The following MTA1 variants were observed in gnomAD, a reference collection of about 807,000 sequenced individuals.
MTA1 encodes metastasis-associated protein MTA1.
Under a neutral mutation model 97.0 loss-of-function variants are expected in MTA1, and 15 were observed. That is an observed-to-expected ratio of 0.15 (90% CI 0.10 to 0.24). MTA1 has a LOEUF of 0.24. Among genes scored for constraint, MTA1 ranks in the 10% least tolerant of loss-of-function variants. The pLI, the probability that MTA1 is intolerant of heterozygous loss-of-function variation, is 1.00. For synonymous variants in MTA1, 435 were observed against 417.5 expected (o/e 1.04, Z -0.51); for missense variants, 709 against 1,015.1 (o/e 0.70, Z 4.10).
intron 6 of MTA1, 75 bp downstream of exon 6, chr14:105,450,399 C>T: frequency 1.3e-6 from 2 of 1,502,594 alleles, no homozygotes; most frequent in Non-Finnish European, 1.8e-6. Context: ...CCTCTGCTGG[C>T]CTGGGCGGCG....
Position 105,463,400 on chromosome 14 carries a change from G to A in MTA1, c.1018-93G>A. On this transcript the variant is annotated intron_variant, in intron 11 of 20. Transcript: ENST00000331320. The surrounding 1 kb of genome is among the most constrained non-coding windows in gnomAD (Gnocchi z 5.9). ...TCCCTGGCCCGGCTGTCCTCTCCGT[G>A]GTGCTCTCCTCTCCGTAGCCTCCAG... 2 of 1,514,878 alleles carry A rather than the reference G, an allele frequency of 1.3e-6. No individual in the cohort carries two copies. Among genetic ancestry groups the A allele is most frequent in the Non-Finnish European group, 1.8e-6 (2 of 1,093,016 alleles). 93.8% of individuals were successfully genotyped at this position (1,514,878 alleles called of 1,614,324 possible). A position where few individuals can be genotyped will look rare whatever the true frequency, so the allele number is the denominator to read the frequency against.
chr14:105,470,630 C>T lies in MTA1; in HGVS notation c.*415C>T, dbSNP rs1442535657. ...AATGTTAGGATCGTGCGGCCGCGGC[C>T]GGCCGAGCTGCCTGGCGGGGTTGGC... On this transcript the variant is annotated 3_prime_UTR_variant, in exon 21 of 21. Transcript: ENST00000331320. 1.2e-5 allele frequency: 2 copies of T among 165,682 alleles called. No homozygotes were observed. Among genetic ancestry groups the T allele is most frequent in the African/African-American group, 4.8e-5 (2 of 41,976 alleles). The allele number at this position is 165,682 out of a possible 1,614,324, so 10.3% of individuals were successfully genotyped here. A position where few individuals can be genotyped will look rare whatever the true frequency, so the allele number is the denominator to read the frequency against.
intron 1 of MTA1, among the ~76,000 whole-genome samples, chr14:105,428,124 G>A (rs1238564155): frequency 1.3e-5 from 2 of 151,770 alleles, no homozygotes; most frequent in African/African-American, 2.4e-5. Flanking sequence ...CTGTGTGGTC[G>A]CTGCAGCTCT....
chr14:105,465,005 C>T (rs2083509908), intron 15 of MTA1, 89 bp from the exon 16 acceptor site: 1 of 1,424,058 alleles, frequency 7.0e-7, no homozygotes, highest in Non-Finnish European at 9.3e-7. Flanking sequence ...CATGGCCGAG[C>T]CCAGTGAGGG....
At chr14:105,442,229 G>A (rs181511123) in intron 2 of MTA1, among the ~76,000 whole-genome samples, 5 of 152,330 alleles carry the variant, frequency 3.3e-5, no homozygotes, top group African/African-American at 7.2e-5. Flanking sequence ...TTTGCCTTTC[G>A]GCAGCCGCGT....
chr14:105,427,071 C>T lies in MTA1; in HGVS notation c.28+7008C>T, dbSNP rs58931708. On this transcript the variant is annotated intron_variant, in intron 1 of 20. Coordinates refer to ENST00000331320, the MANE Select transcript of MTA1 (RefSeq NM_004689.4). ...GCAGGGACCACGGGCACCGCCCTGCCGCACAGCTCTTGTTGCTCAATGATC... is the reference window on the plus strand; with the variant it reads ...GCAGGGACCACGGGCACCGCCCTGCTGCACAGCTCTTGTTGCTCAATGATC... 3.2e-3 allele frequency among the ~76,000 whole-genome samples: 483 copies of T among 152,346 alleles called. 5 individuals are homozygous for T. The highest frequency in any genetic ancestry group is 0.011 in the African/African-American group (447 of 41,582).
chr14:105,454,149 C>T, intron 6 of MTA1, 44 bp from the exon 7 acceptor site: 1 of 1,492,448 alleles, frequency 6.7e-7, no homozygotes, highest in Non-Finnish European at 9.3e-7. Context: ...CTCCCAGCAG[C>T]CTGACTGTGC....
chr14:105,436,363 C>T (rs1190025389), intron 1 of MTA1, among the ~76,000 whole-genome samples: 4 of 152,154 alleles, frequency 2.6e-5, no homozygotes, highest in Non-Finnish European at 5.9e-5. Flanking sequence ...CATTTCCTGC[C>T]TTCTTGCTTT....
At position 105,463,259 on chromosome 14, in the gene MTA1, G is replaced by T; in HGVS notation, c.1017+1G>T. The T allele has an allele frequency of 6.2e-7, 1 of 1,609,066 alleles. No homozygotes were observed. On this transcript the variant is annotated splice_donor_variant, in intron 11 of 20. Transcript: ENST00000331320. LOFTEE classifies it high-confidence loss of function. The surrounding 1 kb of genome is among the most constrained non-coding windows in gnomAD (Gnocchi z 5.9). ...GACCACCGACAGATACGTGCAGCAG[G>T]TGAGCCCGCCCGCCACTCAGTGCCC...
In MTA1 at chr14:105,464,624, C is replaced by T. The variant is rs377278354; in HGVS notation, c.1345-50C>T. ...TGAGCCTGTCGGCCACGCGGGTCCTCGGCCCCCGGTCATGGCGCTGTGTTG... is the reference window on the plus strand; with the variant it reads ...TGAGCCTGTCGGCCACGCGGGTCCTTGGCCCCCGGTCATGGCGCTGTGTTG... On this transcript the variant is annotated intron_variant, in intron 14 of 20. Transcript: ENST00000331320. 50 of 1,608,914 alleles carry T rather than the reference C, an allele frequency of 3.1e-5. No individual in the cohort carries two copies. In the Middle Eastern group the frequency reaches 4.9e-4, roughly 16 times the overall value.
Position 105,455,496 on chromosome 14 carries a change from C to T in MTA1, c.550+1186C>T, listed in dbSNP as rs181661194. 1.2e-3 allele frequency among the ~76,000 whole-genome samples: 179 copies of T among 152,308 alleles called. 1 individual carries two copies. The highest frequency in any genetic ancestry group is 1.9e-3 in the Non-Finnish European group (132 of 68,016). ...GCAGGGCTCTGCCCCCGAGGGTGGG[C>T]GGGGACTCGCCTCCCTGCTTGCAGT... On this transcript the variant is annotated intron_variant, in intron 7 of 20. Transcript: ENST00000331320.
chr14:105,439,456 C>T (rs1312129690), intron 2 of MTA1, among the ~76,000 whole-genome samples: 1 of 152,226 alleles, frequency 6.6e-6, no homozygotes, highest in African/African-American at 2.4e-5. Flanking sequence ...CCTCCACTGC[C>T]TCGGCACAGC....
At chr14:105,465,346 C>A in intron 16 of MTA1, 163 bp downstream of exon 16, 2 of 496,886 alleles carry the variant, frequency 4.0e-6, no homozygotes, top group Non-Finnish European at 6.5e-6. Flanking sequence ...GTGCCAGGCT[C>A]AGGCAGACCC....
rs1291270645 is a variant in MTA1, at chr14:105,422,300, G to T, written c.28+2237G>T. The stretch of plus-strand genomic sequence containing the variant: ...GGTCGCAGTGGGCTGGGCATTGCAG[G>T]TTGGCTTCCTGTCTTGGTGCTCGCT... On this transcript the variant is annotated intron_variant, in intron 1 of 20. Coordinates refer to ENST00000331320, the MANE Select transcript of MTA1 (RefSeq NM_004689.4). This position sits in a 1 kb window ranked among gnomAD's most constrained non-coding sequence, Gnocchi z 4.3. 1.3e-5 allele frequency among the ~76,000 whole-genome samples: 2 copies of T among 152,174 alleles called. No homozygotes were observed. The highest frequency in any genetic ancestry group is 2.9e-5 in the Non-Finnish European group (2 of 68,036).
chr14:105,450,026 C>T (rs782742384), intron 4 of MTA1, 32 bp from the exon 5 acceptor site: 61 of 1,612,894 alleles, frequency 3.8e-5, no homozygotes, highest in Admixed American at 2.3e-4. Flanking sequence ...GTGCGTCTGC[C>T]GCGGTGCTGA....
intron 1 of MTA1, among the ~76,000 whole-genome samples, chr14:105,432,025 TAAAA>T (rs1330207962): frequency 6.6e-6 from 1 of 151,422 alleles, no homozygotes; most frequent in Admixed American, 6.6e-5. Flanking sequence ...TTCTGTGAAT[TAAAA>T]AAAAACCTTT....
At chr14:105,465,573 G>T (rs587729775) in intron 16 of MTA1, 385 of 161,652 alleles carry the variant, frequency 2.4e-3, no homozygotes, top group African/African-American at 8.3e-3. Flanking sequence ...CATTAAGGCA[G>T]CGTCGTACCT....
At chr14:105,468,376 G>A (rs1555433426) in intron 18 of MTA1, 3 of 1,303,992 alleles carry the variant, frequency 2.3e-6, no homozygotes, top group Non-Finnish European at 3.0e-6. Flanking sequence ...CTACTGGCCA[G>A]CCCTGGGCGC....
At position 105,470,513 on chromosome 14, in the gene MTA1, G is replaced by A; in HGVS notation, c.*298G>A. On this transcript the variant is annotated 3_prime_UTR_variant, in exon 21 of 21. Coordinates refer to ENST00000331320, the MANE Select transcript of MTA1 (RefSeq NM_004689.4). ...CTTTTGCCCGGAGGCCGGGCCCTAA[G>A]GTTTTGTTGTGTTCTGTTGAAGGTG... 1 of 366,814 alleles carries A rather than the reference G, an allele frequency of 2.7e-6. No homozygotes were observed. The highest frequency in any genetic ancestry group is 4.8e-6 in the Non-Finnish European group (1 of 206,368). The allele number at this position is 366,814 out of a possible 1,614,324, so 22.7% of individuals were successfully genotyped here.
Sources: allele counts gnomAD v4.1 joint callset (sites outside exome capture counted in the v4.1 genomes callset), GRCh38; gene constraint gnomAD v4.1.1; non-coding constraint Gnocchi (gnomAD v3.1); transcripts MANE v1.5; gene names NCBI Gene and HGNC (gene_info 2026-07-23, HGNC 2026-07-21).